ZNG1C: variants seen among roughly 807,000 people sequenced by gnomAD.
ZNG1C encodes zinc-regulated GTPase metalloprotein activator 1C.
At chr9:68,247,479 T>A in the ZNG1C span, 1 of 1,588,948 alleles carries the variant, frequency 6.3e-7, no homozygotes, top group Non-Finnish European at 8.6e-7. Flanking sequence ...CAAGGCTGCA[T>A]GAATAAAGTG....
chr9:68,257,193 G>A, the ZNG1C span, among the ~76,000 whole-genome samples: 3 of 139,354 alleles, frequency 2.2e-5, no homozygotes, highest in Non-Finnish European at 4.6e-5. Flanking sequence ...GTGCACCATC[G>A]TACCTGGCTA....
chr9:68,260,441 C>A, the ZNG1C span, among the ~76,000 whole-genome samples: 5 of 151,916 alleles, frequency 3.3e-5, no homozygotes, highest in Non-Finnish European at 7.4e-5. Flanking sequence ...AACGTTTAAC[C>A]TTCTGCTACC....
chr9:68,264,737 A>T, the ZNG1C span, among the ~76,000 whole-genome samples: 2 of 20,270 alleles, frequency 9.9e-5, no homozygotes, highest in African/African-American at 3.4e-4. Flanking sequence ...TGCTGAACAC[A>T]GGAGTTCTGT....
the ZNG1C span, among the ~76,000 whole-genome samples, chr9:68,292,281 AC>A: frequency 7.5e-6 from 1 of 134,132 alleles, no homozygotes; most frequent in Non-Finnish European, 1.6e-5. Flanking sequence ...GTTCTTTAAC[AC>A]CCCCCAAAAA....
At chr9:68,288,681 G>A in the ZNG1C span, among the ~76,000 whole-genome samples, 2 of 101,356 alleles carry the variant, frequency 2.0e-5, no homozygotes, top group African/African-American at 4.0e-5. Context: ...TTTTAGTAAA[G>A]ATGGGGTTTC....
the ZNG1C span, chr9:68,285,207 C>T: frequency 6.9e-5 from 2 of 28,854 alleles, 1 homozygote. Flanking sequence ...TACTAGGACC[C>T]CCCCAAAGAG....
the ZNG1C span, among the ~76,000 whole-genome samples, chr9:68,281,169 G>C: frequency 2.0e-5 from 3 of 151,668 alleles, no homozygotes; most frequent in African/African-American, 7.3e-5. Flanking sequence ...CTTCCCAAGT[G>C]AGACAATGCC....
At chr9:68,257,035 T>TTTTG in the ZNG1C span, 8 of 352,788 alleles carry the variant, frequency 2.3e-5, no homozygotes, top group African/African-American at 3.9e-4. Context: ...TTTGTTTTTT[T>TTTTG]TTTTTTTTTC....
At chr9:68,291,680 C>CT in the ZNG1C span, among the ~76,000 whole-genome samples, 1 of 143,994 alleles carries the variant, frequency 6.9e-6, no homozygotes, top group Non-Finnish European at 1.5e-5. Flanking sequence ...CAATTTGAAT[C>CT]TTTTTTTAGT....
At chr9:68,272,458 A>T in the ZNG1C span, 7 of 59,846 alleles carry the variant, frequency 1.2e-4, no homozygotes, top group Admixed American at 1.9e-4. Context: ...TTTCTTGGCG[A>T]TTTTAATGCT....
the ZNG1C span, among the ~76,000 whole-genome samples, chr9:68,290,197 T>G: frequency 2.2e-4 from 32 of 144,938 alleles, no homozygotes; most frequent in East Asian, 4.3e-3. Flanking sequence ...AAAGCCTTTT[T>G]TGTCTCATAC....
At chr9:68,255,475 T>C in the ZNG1C span, among the ~76,000 whole-genome samples, 1 of 148,890 alleles carries the variant, frequency 6.7e-6, no homozygotes, top group African/African-American at 2.5e-5. Context: ...CCTAAATACC[T>C]ACATCCAAAT....
the ZNG1C span, chr9:68,254,758 A>G: frequency 2.2e-5 from 3 of 139,082 alleles, no homozygotes; most frequent in Non-Finnish European, 4.7e-5. Context: ...GGTCTGCCCA[A>G]CTGCTTATGA....
the ZNG1C span, among the ~76,000 whole-genome samples, chr9:68,288,701 GCC>G: frequency 9.6e-6 from 1 of 104,596 alleles, no homozygotes; most frequent in African/African-American, 4.0e-5. Flanking sequence ...CACCATGTTG[GCC>G]AAGCTGGTCT....
chr9:68,294,671 C>CA, the ZNG1C span, among the ~76,000 whole-genome samples: 9 of 78,022 alleles, frequency 1.2e-4, no homozygotes, highest in African/African-American at 5.2e-4. Flanking sequence ...AAATTACCAA[C>CA]AAAAAAATGT....
the ZNG1C span, chr9:68,285,210 C>CG: frequency 7.1e-5 from 2 of 28,136 alleles, 1 homozygote; most frequent in Non-Finnish European, 2.1e-4. Context: ...TAGGACCCCC[C>CG]CAAAGAGACT....
the ZNG1C span, among the ~76,000 whole-genome samples, chr9:68,256,395 A>G: frequency 7.0e-6 from 1 of 143,038 alleles, no homozygotes; most frequent in African/African-American, 2.6e-5. Flanking sequence ...TGTGAGGAAT[A>G]ATTAGTAATG....
the ZNG1C span, chr9:68,269,042 GTAAT>G: frequency 1.5e-6 from 1 of 685,018 alleles, no homozygotes; most frequent in South Asian, 1.9e-5. Context: ...TAAACATTAA[GTAAT>G]TGACAAATAT....
chr9:68,279,387 A>T, the ZNG1C span, among the ~76,000 whole-genome samples: 1 of 118,640 alleles, frequency 8.4e-6, no homozygotes, highest in Non-Finnish European at 1.8e-5. Flanking sequence ...TAGTTGATGC[A>T]GTTTCTTCCT....
Sources: allele counts gnomAD v4.1 joint callset (sites outside exome capture counted in the v4.1 genomes callset), GRCh38; gene constraint gnomAD v4.1.1; transcripts MANE v1.5; gene names NCBI Gene and HGNC (gene_info 2026-07-23, HGNC 2026-07-21).